Variants in CNTN4 observed in about 807,000 individuals in gnomAD.
CNTN4 encodes contactin 4.
In CNTN4, 77 loss-of-function variants were observed where a neutral mutation model predicts 122.5. That is an observed-to-expected ratio of 0.63 (90% CI 0.52 to 0.76). CNTN4 has a LOEUF of 0.76. Among genes scored for constraint, CNTN4 ranks in the 30% least tolerant of loss-of-function variants. CNTN4 has a pLI of 0.00. For synonymous variants in CNTN4, 512 were observed against 447.0 expected (o/e 1.15, Z -1.83); for missense variants, 1,256 against 1,259.1 (o/e 1.00, Z 0.04).
intron 4 of CNTN4, among the ~76,000 whole-genome samples, chr3:2,629,782 T>G (rs1465269225): frequency 6.6e-6 from 1 of 152,186 alleles, no homozygotes; most frequent in Non-Finnish European, 1.5e-5. Context: ...TTGTTTGTTT[T>G]CTAAAGGGGA....
chr3:2,906,813 C>T (rs566071467), intron 12 of CNTN4, among the ~76,000 whole-genome samples: 15 of 148,982 alleles, frequency 1.0e-4, no homozygotes, highest in South Asian at 2.1e-4. Context: ...CATTGCACTC[C>T]GGCCTGGGCA....
At chr3:2,598,237 A>G (rs2080864895) in intron 4 of CNTN4, among the ~76,000 whole-genome samples, 1 of 152,166 alleles carries the variant, frequency 6.6e-6, no homozygotes, top group East Asian at 1.9e-4. Context: ...CGTTAGTCCT[A>G]TCACTGAGCC....
intron 2 of CNTN4, among the ~76,000 whole-genome samples, chr3:2,146,358 A>G (rs1030666395): frequency 2.6e-5 from 4 of 151,648 alleles, no homozygotes; most frequent in African/African-American, 9.7e-5. Context: ...TAATATCTCT[A>G]TGTTGTAGAT....
chr3:2,916,180 A>ACTT (rs1413317166), intron 12 of CNTN4, among the ~76,000 whole-genome samples: 2 of 152,134 alleles, frequency 1.3e-5, no homozygotes, highest in Non-Finnish European at 2.9e-5. Context: ...TATGTTATGT[A>ACTT]CTTTTTTTTT....
intron 3 of CNTN4, among the ~76,000 whole-genome samples, chr3:2,392,385 C>A (rs2046471120): frequency 6.6e-6 from 1 of 152,176 alleles, no homozygotes; most frequent in African/African-American, 2.4e-5. Context: ...CCATCAAATT[C>A]TGGTCATTAA....
At chr3:2,554,736 T>C (rs1228425549) in intron 3 of CNTN4, among the ~76,000 whole-genome samples, 1 of 152,168 alleles carries the variant, frequency 6.6e-6, no homozygotes, top group Non-Finnish European at 1.5e-5. Context: ...CTTACAAAAA[T>C]AGATGTTAGA....
chr3:2,853,858 A>T (rs1258551576), intron 7 of CNTN4, among the ~76,000 whole-genome samples: 1 of 152,150 alleles, frequency 6.6e-6, no homozygotes, highest in Non-Finnish European at 1.5e-5. Context: ...CTGAGGTATG[A>T]TTGGTCTCCT....
Position 2,209,594 on chromosome 3 carries a change from A to G in CNTN4, c.-145+108955A>G, listed in dbSNP as rs372305800. 3.3e-4 allele frequency among the ~76,000 whole-genome samples: 51 copies of G among 152,240 alleles called. No individual in the cohort carries two copies. In the South Asian group the frequency reaches 3.5e-3, roughly 11 times the overall value. The stretch of plus-strand genomic sequence containing the variant: ...TGTGCTGGGTAGTTTGCCACTTACT[A>G]TGATTTACCCTGGAAACAAATGGTA... On this transcript the variant is annotated intron_variant, in intron 2 of 24. Coordinates refer to ENST00000418658, the MANE Select transcript of CNTN4 (RefSeq NM_175607.3).
intron 2 of CNTN4, among the ~76,000 whole-genome samples, chr3:2,334,689 G>C (rs1299880053): frequency 6.6e-6 from 1 of 152,130 alleles, no homozygotes; most frequent in Non-Finnish European, 1.5e-5. Flanking sequence ...AATCAATGGT[G>C]ATCACATACA....
chr3:2,886,933 A>G (rs1294536718), intron 9 of CNTN4, 107 bp from the exon 10 acceptor site: 13 of 910,608 alleles, frequency 1.4e-5, no homozygotes, highest in Non-Finnish European at 1.9e-5. Flanking sequence ...TGAAGTTTGC[A>G]AAACACCCAA....
At chr3:2,643,346 G>C (rs954738835) in intron 4 of CNTN4, among the ~76,000 whole-genome samples, 2 of 151,952 alleles carry the variant, frequency 1.3e-5, no homozygotes, top group South Asian at 2.1e-4. Flanking sequence ...GCTAATTTTT[G>C]TATTTTTAGT....
chr3:2,841,807 G>A lies in CNTN4; in HGVS notation c.454+22226G>A, dbSNP rs1043707936. Among the ~76,000 whole-genome samples, 3 of 150,914 alleles carry A rather than the reference G, an allele frequency of 2.0e-5. No homozygotes were observed. The highest frequency in any genetic ancestry group is 1.9e-4 in the East Asian group (1 of 5,196). On this transcript the variant is annotated intron_variant, in intron 7 of 24. Coordinates refer to ENST00000418658, the MANE Select transcript of CNTN4 (RefSeq NM_175607.3). The surrounding 1 kb of genome is among the most constrained non-coding windows in gnomAD (Gnocchi z 4.8). ...CCTCCCTTGACCACAAATATTAAAC[G>A]TTTCACCAGGGAAATGGCTGGTAAG...
At chr3:3,012,841 G>T (rs1359181817) in intron 14 of CNTN4, among the ~76,000 whole-genome samples, 1 of 151,906 alleles carries the variant, frequency 6.6e-6, no homozygotes, top group Admixed American at 6.6e-5. Context: ...GGTGGTGCAT[G>T]CCTGTAATCC....
chr3:2,985,119 G>GCTTA (rs1216879880), intron 13 of CNTN4: 2 of 152,180 alleles, frequency 1.3e-5, no homozygotes, highest in African/African-American at 4.8e-5. Flanking sequence ...CTTGGATTTA[G>GCTTA]CTTACGCTAA....
intron 13 of CNTN4, among the ~76,000 whole-genome samples, chr3:2,968,580 A>C (rs935940034): frequency 5.3e-5 from 8 of 152,178 alleles, no homozygotes; most frequent in Admixed American, 2.0e-4. Context: ...GTCAGAAAAA[A>C]CTTTTTGTGA....
chr3:2,226,323 G>A lies in CNTN4; in HGVS notation c.-144-112855G>A, dbSNP rs115638741. Among the ~76,000 whole-genome samples the A allele has an allele frequency of 7.5e-3, 1,134 of 152,208 alleles. 16 individuals carry two copies. Among genetic ancestry groups the A allele is most frequent in the African/African-American group, 0.026 (1,070 of 41,522 alleles). ...AGTAGTATGCTGCTATTTGGGCTCC[G>A]TAAGAATCTTATCATGTTTATTGAT... On this transcript the variant is annotated intron_variant, in intron 2 of 24. Transcript: ENST00000418658.
intron 3 of CNTN4, among the ~76,000 whole-genome samples, chr3:2,570,678 C>T (rs2079384221): frequency 6.6e-6 from 1 of 152,184 alleles, no homozygotes; most frequent in African/African-American, 2.4e-5. Flanking sequence ...ATAACAGTGT[C>T]TGCCCACAGC....
intron 2 of CNTN4, among the ~76,000 whole-genome samples, chr3:2,301,549 T>C (rs1476954458): frequency 6.6e-6 from 1 of 152,238 alleles, no homozygotes; most frequent in Non-Finnish European, 1.5e-5. Context: ...CTGATCTTTT[T>C]TGTTGATAGC....
chr3:3,040,759 C>T (rs1700092389), intron 20 of CNTN4, among the ~76,000 whole-genome samples: 1 of 152,088 alleles, frequency 6.6e-6, no homozygotes, highest in South Asian at 2.1e-4. Context: ...GAAAACCCAT[C>T]TCTACTAAAA....
Sources: gnomAD v4.1 joint callset for allele counts (sites outside exome capture counted in the v4.1 genomes callset) on GRCh38, gnomAD v4.1.1 for gene constraint, Gnocchi (gnomAD v3.1) non-coding constraint, MANE v1.5 for transcripts, NCBI Gene and HGNC (gene_info 2026-07-23, HGNC 2026-07-21) for gene names.